The following USP34 variants were observed in gnomAD, a reference collection of about 807,000 sequenced individuals.
USP34 encodes ubiquitin specific peptidase 34.
Under a neutral mutation model 460.3 loss-of-function variants are expected in USP34, and 70 were observed. That is an observed-to-expected ratio of 0.15 (90% CI 0.13 to 0.19). The LOEUF is 0.19. USP34 is among the 10% of genes least tolerant of loss of function. The pLI is 1.00. For missense variants in USP34, 3,985 were observed against 4,236.2 expected (o/e 0.94, Z 1.65); for synonymous variants, 1,647 against 1,405.3 (o/e 1.17, Z -3.85).
chr2:61,290,781 C>T lies in USP34; in HGVS notation c.4549-1904G>A, dbSNP rs149402767. ...TATTTATTACATGAAAAGTATACTG[C>T]AACCTCACATCATATGCAAAAATTA... On this transcript the variant is annotated intron_variant, in intron 33 of 79. Transcript: ENST00000398571. 3.1e-3 allele frequency among the ~76,000 whole-genome samples: 478 copies of T among 152,162 alleles called. 1 individual carries two copies. The highest frequency in any genetic ancestry group is 4.6e-3 in the Non-Finnish European group (310 of 67,958).
chr2:61,301,123 C>T lies in USP34; in HGVS notation c.3956G>A (p.Arg1319Gln), dbSNP rs1385588612. Residue 1319 changes from arginine (R) to glutamine (Q), a missense_variant, in exon 29 of 80, where the codon CGG (arginine) becomes CAG (glutamine). By Grantham distance (43) the Arg-to-Gln change is conservative. This residue lies in a region of USP34 where 1,114 missense variants were observed against 1,122.5 expected (regional missense o/e 0.99). Coordinates refer to ENST00000398571, the MANE Select transcript of USP34 (RefSeq NM_014709.4). The part of the protein sequence containing the change: ...FVSLGAPRRE[R>Q]KGEGVQLPAS... ...TGGCAGCTGAACACCTTCCCCTTTC[C>T]GCTCTCTCCTTGGTGCACCCAAAGA... is the stretch of plus-strand genomic sequence containing the variant. The T allele has an allele frequency of 8.1e-6, 13 of 1,613,576 alleles. No homozygotes were observed. Among genetic ancestry groups the T allele is most frequent in the African/African-American group, 2.7e-5 (2 of 74,824 alleles).
rs183746143 is a variant in USP34 at position 61,288,528 on chromosome 2, T to A, written c.4749+149A>T. ...TGAAATGAAAAGCAATACTGCTTCA[T>A]AATCACTACTGCTTTAAAACAATGC... On this transcript the variant is annotated intron_variant, in intron 34 of 79. Transcript: ENST00000398571. 2.1e-5 allele frequency: 16 copies of A among 749,590 alleles called. No homozygotes were observed. The African/African-American group carries it at 2.6e-4, about 12-fold the overall frequency. The allele number at this position is 749,590 out of a possible 1,614,324, so 46.4% of individuals were successfully genotyped here.
Position 61,236,240 on chromosome 2 carries a change from G to C in USP34, c.6843-4C>G. 1 of 1,607,562 alleles carries C rather than the reference G, an allele frequency of 6.2e-7. No homozygotes were observed. Among genetic ancestry groups the C allele is most frequent in the Non-Finnish European group, 8.5e-7 (1 of 1,177,442 alleles). ...ACTACACAATTGCCACATAAATCTA[G>C]AATTTAAAAATAATCATTTAAAATT... On this transcript the variant is annotated splice_region_variant and splice_polypyrimidine_tract_variant and intron_variant, in intron 54 of 79. Coordinates refer to ENST00000398571, the MANE Select transcript of USP34 (RefSeq NM_014709.4).
intron 10 of USP34, among the ~76,000 whole-genome samples, chr2:61,367,500 A>G (rs1692476917): frequency 6.6e-6 from 1 of 152,228 alleles, no homozygotes; most frequent in Non-Finnish European, 1.5e-5. Context: ...ACACAATGTT[A>G]GACATGGGAA....
chr2:61,360,370 T>TA (rs896515698), intron 10 of USP34, among the ~76,000 whole-genome samples: 2 of 152,030 alleles, frequency 1.3e-5, no homozygotes, highest in African/African-American at 4.8e-5. Flanking sequence ...CAAGTTAATA[T>TA]AAAAAAATCA....
rs1048402363 is a variant in USP34 at position 61,189,267 on chromosome 2, T to TG, written c.9874-199_9874-198insC. On this transcript the variant is annotated intron_variant, in intron 78 of 79. Coordinates refer to ENST00000398571, the MANE Select transcript of USP34 (RefSeq NM_014709.4). ...ACAGCATTTCATTAGTTGTTTTTTT[T>TG]TTTTGTTTTGTTTTTGTTTTTTTTG... The TG allele has an allele frequency of 1.2e-4, 67 of 555,844 alleles. No homozygotes were observed. In the South Asian group the frequency reaches 1.4e-3, roughly 11 times the overall value. 34.4% of individuals were successfully genotyped at this position (555,844 alleles called of 1,614,324 possible).
intron 32 of USP34, among the ~76,000 whole-genome samples, chr2:61,294,504 C>T (rs1026840293): frequency 3.3e-5 from 5 of 152,014 alleles, no homozygotes; most frequent in African/African-American, 4.8e-5. Context: ...CTGCAACCTC[C>T]ACCTCCTGGG....
intron 3 of USP34, among the ~76,000 whole-genome samples, chr2:61,400,241 C>G (rs1323426277): frequency 6.6e-6 from 1 of 151,934 alleles, no homozygotes; most frequent in Non-Finnish European, 1.5e-5. Context: ...TCCCCAGTAG[C>G]TGGGACTACA....
At chr2:61,272,392 CAG>C (rs1689241184) in intron 41 of USP34, among the ~76,000 whole-genome samples, 1 of 128,626 alleles carries the variant, frequency 7.8e-6, no homozygotes, top group Admixed American at 8.6e-5. Flanking sequence ...GCCTGGGTGA[CAG>C]AGGGAGACCC....
intron 8 of USP34, among the ~76,000 whole-genome samples, chr2:61,374,950 T>C (rs951630916): frequency 2.0e-5 from 3 of 152,000 alleles, no homozygotes; most frequent in Non-Finnish European, 2.9e-5. Context: ...ACAAACCAAT[T>C]TGACCTAATA....
At chr2:61,283,839 C>G (rs954835829) in intron 35 of USP34, among the ~76,000 whole-genome samples, 7 of 146,378 alleles carry the variant, frequency 4.8e-5, no homozygotes, top group Admixed American at 2.1e-4. Flanking sequence ...GTTTTATATT[C>G]TTTATCATTT....
rs964097827 is a variant in USP34 at position 61,430,029 on chromosome 2, C to T, written c.44-9196G>A. 5.9e-5 allele frequency among the ~76,000 whole-genome samples: 9 copies of T among 152,128 alleles called. No homozygotes were observed. The East Asian group carries it at 1.2e-3, about 20-fold the overall frequency. On this transcript the variant is annotated intron_variant, in intron 1 of 79. Coordinates refer to ENST00000398571, the MANE Select transcript of USP34 (RefSeq NM_014709.4). ...GAGATCGAGACCATCCTGGCTAACA[C>T]GGTGAAACCCCCCGTCTCTACTAAA... is the stretch of plus-strand genomic sequence containing the variant.
intron 3 of USP34, among the ~76,000 whole-genome samples, chr2:61,395,649 A>G (rs981286860): frequency 8.7e-5 from 13 of 149,496 alleles, no homozygotes; most frequent in African/African-American, 3.3e-4. Flanking sequence ...AGCCGGGCGC[A>G]GTGGCGGGCG....
chr2:61,228,796 A>G (rs1687802997), intron 60 of USP34, 31 bp downstream of exon 60: 8 of 1,587,636 alleles, frequency 5.0e-6, no homozygotes, highest in Non-Finnish European at 4.3e-6. Flanking sequence ...AAAGGTAGAT[A>G]ATCAAAAAAA....
intron 75 of USP34, among the ~76,000 whole-genome samples, chr2:61,199,110 T>C (rs1173122049): frequency 1.3e-5 from 2 of 152,164 alleles, no homozygotes; most frequent in East Asian, 1.9e-4. Context: ...CACCATGTAG[T>C]ATTTTCAATT....
At chr2:61,468,908 T>C (rs1695864264) in intron 1 of USP34, among the ~76,000 whole-genome samples, 1 of 152,144 alleles carries the variant, frequency 6.6e-6, no homozygotes, top group African/African-American at 2.4e-5. Context: ...ATTTTCCAAG[T>C]TTAAGATATT....
intron 10 of USP34, among the ~76,000 whole-genome samples, chr2:61,355,895 T>C (rs1692086945): frequency 2.0e-5 from 3 of 152,180 alleles, no homozygotes; most frequent in South Asian, 2.1e-4. Flanking sequence ...AAAGGTTTAA[T>C]GTGAAAGGAC....
Position 61,314,924 on chromosome 2 carries a change from A to C in USP34, c.3333T>G (p.Gly1111=), listed in dbSNP as rs772648350. The C allele has an allele frequency of 4.3e-6, 7 of 1,613,952 alleles. No individual in the cohort carries two copies. The highest frequency in any genetic ancestry group is 5.9e-6 in the Non-Finnish European group (7 of 1,179,914). The change falls in exon 24 of 80, where the codon GGT becomes GGG. Residue 1111 remains glycine, a synonymous_variant. Transcript: ENST00000398571. ...ACTGGATAGCTGCTCGACTGACATC[A>C]CCAGATTGTGCTCTTAAAGCAATGC... ...FWGIALRAQS[G]DVSRAAIQYI...
At position 61,240,424 on chromosome 2, in the gene USP34, G is replaced by A. The variant is rs193021829; in HGVS notation, c.6777+1136C>T. Among the ~76,000 whole-genome samples the A allele has an allele frequency of 3.9e-5, 6 of 152,080 alleles. No homozygotes were observed. In the East Asian group the frequency reaches 7.8e-4, roughly 20 times the overall value. On this transcript the variant is annotated intron_variant, in intron 53 of 79. Transcript: ENST00000398571. Reference sequence around the variant, plus strand: ...CTCCCGAGTAGCTGGGACTACAGGCGCCCGCCAACATGCCCAGCTAATTCT... The same window carrying A: ...CTCCCGAGTAGCTGGGACTACAGGCACCCGCCAACATGCCCAGCTAATTCT...
Sources: gnomAD v4.1 joint callset for allele counts (sites outside exome capture counted in the v4.1 genomes callset) on GRCh38, gnomAD v4.1.1 for gene constraint, gnomAD v4.1.1 regional missense constraint, MANE v1.5 for transcripts, NCBI Gene and HGNC (gene_info 2026-07-23, HGNC 2026-07-21) for gene names.